FYB2: variants seen among roughly 807,000 people sequenced by gnomAD.
FYB2 encodes the protein FYN binding protein 2, also known as FYN-binding protein 2.
In FYB2, 103 loss-of-function variants were observed where a neutral mutation model predicts 94.1. The ratio of observed to expected loss-of-function variants is 1.09; its 90% CI spans 0.93 to 1.29. FYB2 has a LOEUF of 1.29. Ranked by LOEUF, FYB2 falls within the 50% of genes most tolerant of loss-of-function variation. The pLI is 0.00. For missense variants in FYB2, 896 were observed against 841.5 expected, an observed-to-expected ratio of 1.06 and a Z score of -0.80; for synonymous variants, 293 against 287.9, an observed-to-expected ratio of 1.02 and a Z score of -0.18.
chr1:56,737,203 C>T, intron 14 of FYB2, 56 bp from the exon 15 acceptor site: 2 of 1,339,460 alleles, frequency 1.5e-6, no homozygotes, highest in South Asian at 2.6e-5. Flanking sequence ...TATATAAGCA[C>T]TGACTTTCCA....
At chr1:56,783,134 C>T (rs1165714183) in intron 4 of FYB2, among the ~76,000 whole-genome samples, 9 of 152,046 alleles carry the variant, frequency 5.9e-5, no homozygotes, top group Admixed American at 2.6e-4. Flanking sequence ...ATGGAGAGGC[C>T]AAGGTTTAGA....
Position 56,780,098 on chromosome 1 carries a change from T to TG in FYB2, c.953+7076dup, listed in dbSNP as rs566731663. Among the ~76,000 whole-genome samples, 6 of 152,304 alleles carry TG rather than the reference T, an allele frequency of 3.9e-5. No individual in the cohort carries two copies. In the East Asian group the frequency reaches 9.7e-4, roughly 25 times the overall value. ...TAACAGATATAAAAGGGCTCAGCAA[T>TG]GCTCAGCATGTGGTCATACACAAAC... On this transcript the variant is annotated intron_variant, in intron 4 of 19. Coordinates refer to ENST00000343433, the MANE Select transcript of FYB2 (RefSeq NM_001004303.5).
chr1:56,782,932 T>C (rs1646041960), intron 4 of FYB2, among the ~76,000 whole-genome samples: 2 of 152,204 alleles, frequency 1.3e-5, no homozygotes, highest in African/African-American at 2.4e-5. Flanking sequence ...CTCTGCTAAG[T>C]ACTGACAGAG....
intron 13 of FYB2, 44 bp from the exon 14 acceptor site, chr1:56,738,697 A>G: frequency 6.3e-7 from 1 of 1,589,972 alleles, no homozygotes. Flanking sequence ...GAAAAAAACC[A>G]TGTTTGGAAA....
intron 15 of FYB2, among the ~76,000 whole-genome samples, chr1:56,728,420 A>G (rs1644630219): frequency 6.6e-6 from 1 of 152,132 alleles, no homozygotes; most frequent in Non-Finnish European, 1.5e-5. Flanking sequence ...GGCACGTGAT[A>G]CAGATATGAA....
chr1:56,792,233 G>A lies in FYB2; in HGVS notation c.580C>T (p.Leu194Phe). 2 of 1,613,234 alleles carry A rather than the reference G, an allele frequency of 1.2e-6. No individual in the cohort carries two copies. The highest frequency in any genetic ancestry group is 1.1e-5 in the South Asian group (1 of 90,914). Residue 194 changes from leucine to phenylalanine, a missense_variant, in exon 2 of 20, where the codon CTT becomes TTT. Physicochemically the swap from Leu to Phe is conservative, Grantham distance 22 (BLOSUM62 0). Transcript: ENST00000343433. ...KKLETKGAQT[L>F]PSQKHVVAPK... ...GCCACCACGTGCTTCTGGGAAGGAAGAGTCTGGGCTCCTTTTGTTTCCAGC... is the reference window on the plus strand; with the variant it reads ...GCCACCACGTGCTTCTGGGAAGGAAAAGTCTGGGCTCCTTTTGTTTCCAGC...
chr1:56,813,862 A>G (rs962932905), intron 1 of FYB2, among the ~76,000 whole-genome samples: 1 of 152,244 alleles, frequency 6.6e-6, no homozygotes, highest in Non-Finnish European at 1.5e-5. Context: ...AAATTAATTA[A>G]CTTGCTCAAC....
At chr1:56,819,530 T>C, upstream of FYB2, 2 of 599,490 alleles carry the variant, frequency 3.3e-6, no homozygotes, top group African/African-American at 1.9e-5. Flanking sequence ...TGCAGGGGAC[T>C]GGGGAGAGTA....
chr1:56,793,669 C>A (rs1252538034), intron 1 of FYB2, among the ~76,000 whole-genome samples: 1 of 145,392 alleles, frequency 6.9e-6, no homozygotes, highest in East Asian at 2.1e-4. Flanking sequence ...ATACACTAAA[C>A]CTCAGTGACA....
chr1:56,808,038 T>C (rs946139339), intron 1 of FYB2, among the ~76,000 whole-genome samples: 5 of 152,212 alleles, frequency 3.3e-5, no homozygotes, highest in Non-Finnish European at 5.9e-5. Flanking sequence ...TTTGCATTGT[T>C]GTCAAGAGGT....
intron 1 of FYB2, among the ~76,000 whole-genome samples, chr1:56,797,662 T>A (rs1646430768): frequency 6.6e-6 from 1 of 152,198 alleles, no homozygotes; most frequent in Non-Finnish European, 1.5e-5. Context: ...GGTAGCAGCA[T>A]CGATGGATTC....
chr1:56,742,967 T>C (rs1331342032), intron 11 of FYB2, among the ~76,000 whole-genome samples: 1 of 152,058 alleles, frequency 6.6e-6, no homozygotes, highest in Non-Finnish European at 1.5e-5. Flanking sequence ...ATAATAATTA[T>C]ATATACTTAT....
chr1:56,774,238 G>A (rs966952355), intron 4 of FYB2, among the ~76,000 whole-genome samples: 1 of 152,108 alleles, frequency 6.6e-6, no homozygotes, highest in African/African-American at 2.4e-5. Flanking sequence ...AGACAGAGGT[G>A]GCAGTGAATC....
chr1:56,732,175 T>C (rs1157262220), intron 15 of FYB2, among the ~76,000 whole-genome samples: 2 of 152,152 alleles, frequency 1.3e-5, no homozygotes, highest in African/African-American at 2.4e-5. Context: ...GTAGCGTTTC[T>C]ATACATGAAC....
At chr1:56,747,197 T>C (rs1557603935) in intron 9 of FYB2, among the ~76,000 whole-genome samples, 1 of 151,952 alleles carries the variant, frequency 6.6e-6, no homozygotes, top group Non-Finnish European at 1.5e-5. Flanking sequence ...AAACGGTATA[T>C]GTAAATAATG....
At chr1:56,752,819 G>T (rs1645231764) in intron 8 of FYB2, among the ~76,000 whole-genome samples, 1 of 152,068 alleles carries the variant, frequency 6.6e-6, no homozygotes, top group Non-Finnish European at 1.5e-5. Context: ...TTGAAAAAGA[G>T]CAGAGCTTGT....
chr1:56,826,551 T>C, the FYB2 span: 3 of 152,482 alleles, frequency 2.0e-5, no homozygotes, highest in Admixed American at 2.0e-4. Context: ...GTCCCTTGCA[T>C]ACCTGTTACC....
intron 14 of FYB2, chr1:56,737,532 C>T (rs1644855828): frequency 6.3e-6 from 1 of 158,292 alleles, no homozygotes; most frequent in South Asian, 2.0e-4. Flanking sequence ...TTCTTAACTC[C>T]TAGGGGGGAG....
intron 9 of FYB2, among the ~76,000 whole-genome samples, chr1:56,749,048 C>T (rs1490449864): frequency 1.4e-5 from 2 of 144,138 alleles, no homozygotes; most frequent in African/African-American, 2.6e-5. Context: ...AGTCAGAACT[C>T]AGTTGTGTTT....
Sources: allele counts gnomAD v4.1 joint callset (sites outside exome capture counted in the v4.1 genomes callset), GRCh38; gene constraint gnomAD v4.1.1; transcripts MANE v1.5; gene names NCBI Gene and HGNC (gene_info 2026-07-23, HGNC 2026-07-21).